Variants in NSMCE2 observed in about 807,000 individuals in gnomAD.
The protein encoded by NSMCE2 is NSE2 SUMO ligase component of SMC5/6 complex.
A neutral mutation model predicts 23.8 loss-of-function variants in NSMCE2; 24 were observed. That is an observed-to-expected ratio of 1.01 (90% CI 0.73 to 1.42). The LOEUF (loss-of-function observed/expected upper bound fraction) is 1.42. NSMCE2 is among the 40% of genes most tolerant of loss of function. The pLI is 0.00. For missense variants in NSMCE2, 284 were observed against 296.5 expected, an observed-to-expected ratio of 0.96 and a Z score of 0.31; for synonymous variants, 92 against 94.1, an observed-to-expected ratio of 0.98 and a Z score of 0.13.
intron 5 of NSMCE2, among the ~76,000 whole-genome samples, chr8:125,327,344 T>C (rs1212165508): frequency 6.6e-6 from 1 of 151,918 alleles, no homozygotes; most frequent in Non-Finnish European, 1.5e-5. Flanking sequence ...ATGAATGTAG[T>C]ATAATTACCA....
intron 5 of NSMCE2, among the ~76,000 whole-genome samples, chr8:125,268,353 G>A (rs6991820): frequency 0.89 from 135,296 of 152,120 alleles, 60,308 homozygotes; most frequent in African/African-American, 0.95. Context: ...TGGCACTTCT[G>A]TTGGTCGTTT....
chr8:125,224,350 T>G (rs997957731), intron 5 of NSMCE2, among the ~76,000 whole-genome samples: 10 of 152,218 alleles, frequency 6.6e-5, no homozygotes, highest in Admixed American at 5.9e-4. Context: ...GCCTGTGCTG[T>G]TGGGGTCATA....
intron 5 of NSMCE2, among the ~76,000 whole-genome samples, chr8:125,217,749 G>A (rs1824664833): frequency 1.3e-5 from 2 of 152,106 alleles, no homozygotes; most frequent in African/African-American, 4.8e-5. Flanking sequence ...TGTTATTACA[G>A]CTGTGCTGAG....
chr8:125,184,635 T>C (rs1248704842), intron 5 of NSMCE2, among the ~76,000 whole-genome samples: 2 of 152,158 alleles, frequency 1.3e-5, no homozygotes, highest in Non-Finnish European at 2.9e-5. Flanking sequence ...ATAAGATCTG[T>C]ATACCTTACT....
At chr8:125,241,418 A>G (rs1825760426) in intron 5 of NSMCE2, among the ~76,000 whole-genome samples, 1 of 152,244 alleles carries the variant, frequency 6.6e-6, no homozygotes, top group African/African-American at 2.4e-5. Flanking sequence ...ATATACTTAA[A>G]AGAGCATGTC....
At chr8:125,283,516 A>C (rs1432113645) in intron 5 of NSMCE2, among the ~76,000 whole-genome samples, 1 of 152,150 alleles carries the variant, frequency 6.6e-6, no homozygotes, top group Non-Finnish European at 1.5e-5. Context: ...ACCTTGTGTC[A>C]AAAAAATTAA....
At chr8:125,353,861 C>T (rs572753746) in intron 5 of NSMCE2, among the ~76,000 whole-genome samples, 1 of 150,038 alleles carries the variant, frequency 6.7e-6, no homozygotes, top group African/African-American at 2.4e-5. Flanking sequence ...CCAGCCTGGG[C>T]GACAAGGGCA....
intron 5 of NSMCE2, among the ~76,000 whole-genome samples, chr8:125,268,976 A>G (rs1001099230): frequency 2.0e-5 from 3 of 152,180 alleles, no homozygotes; most frequent in Non-Finnish European, 4.4e-5. Context: ...TAAAAAATAT[A>G]TTGTTTAGTT....
chr8:125,320,287 AGGAAGGAAGGAAGGAAGGAAGGGAAG>A (rs1563782802), intron 5 of NSMCE2, among the ~76,000 whole-genome samples: 15 of 96,646 alleles, frequency 1.6e-4, no homozygotes, highest in Non-Finnish European at 3.4e-4. Context: ...GAAGGAAGGA[AGGAAGGAAGGAAGGAAGGAAGGGAAG>A]GGAAGGAAGG....
At chr8:125,212,113 G>A (rs576795267) in intron 5 of NSMCE2, among the ~76,000 whole-genome samples, 1 of 152,156 alleles carries the variant, frequency 6.6e-6, no homozygotes, top group African/African-American at 2.4e-5. Flanking sequence ...ATTAGTTTCT[G>A]CCTTTGTGTT....
At chr8:125,099,682 G>T (rs182584268) in intron 1 of NSMCE2, among the ~76,000 whole-genome samples, 1 of 152,224 alleles carries the variant, frequency 6.6e-6, no homozygotes, top group Admixed American at 6.5e-5. Context: ...CTTTTCAGGT[G>T]ACCTTGACAA....
At chr8:125,344,261 A>G (rs954031158) in intron 5 of NSMCE2, among the ~76,000 whole-genome samples, 10 of 152,248 alleles carry the variant, frequency 6.6e-5, no homozygotes, top group Admixed American at 2.0e-4. Context: ...TACCTCATCA[A>G]TATTATTTGG....
chr8:125,253,918 A>T (rs906971879), intron 5 of NSMCE2, among the ~76,000 whole-genome samples: 14 of 152,228 alleles, frequency 9.2e-5, no homozygotes, highest in African/African-American at 1.4e-4. Flanking sequence ...TCCAAAAAAA[A>T]TTTTTTGGCA....
At chr8:125,187,437 A>G (rs1823155425) in intron 5 of NSMCE2, among the ~76,000 whole-genome samples, 1 of 152,214 alleles carries the variant, frequency 6.6e-6, no homozygotes, top group South Asian at 2.1e-4. Flanking sequence ...CTTGGGTGAA[A>G]TAATTTTAAT....
At chr8:125,109,704 A>C (rs1032590886) in intron 3 of NSMCE2, among the ~76,000 whole-genome samples, 6 of 152,178 alleles carry the variant, frequency 3.9e-5, no homozygotes, top group African/African-American at 1.4e-4. Context: ...TATTGGTTGC[A>C]GATTCCTAAT....
chr8:125,250,569 A>C (rs73351234), intron 5 of NSMCE2, among the ~76,000 whole-genome samples: 257 of 152,318 alleles, frequency 1.7e-3, no homozygotes, highest in African/African-American at 6.0e-3. Context: ...GATTTGTCTT[A>C]AATTTTTATA....
intron 5 of NSMCE2, among the ~76,000 whole-genome samples, chr8:125,313,509 G>C (rs189925124): frequency 6.6e-5 from 10 of 152,324 alleles, no homozygotes; most frequent in African/African-American, 2.2e-4. Context: ...ATTTGTATTT[G>C]ATGACAGACA....
chr8:125,123,485 GAA>G (rs1304065289), intron 3 of NSMCE2, among the ~76,000 whole-genome samples: 1 of 152,254 alleles, frequency 6.6e-6, no homozygotes, highest in Non-Finnish European at 1.5e-5. Context: ...CTTGACAGAT[GAA>G]AGAGCTAAAG....
At chr8:125,123,344 C>G (rs1207743336) in intron 3 of NSMCE2, among the ~76,000 whole-genome samples, 1 of 152,138 alleles carries the variant, frequency 6.6e-6, no homozygotes, top group African/African-American at 2.4e-5. Flanking sequence ...ACAATATTTA[C>G]TAAGTTCCAC....
Sources: allele counts gnomAD v4.1 joint callset (sites outside exome capture counted in the v4.1 genomes callset), GRCh38; gene constraint gnomAD v4.1.1; transcripts MANE v1.5; gene names NCBI Gene and HGNC (gene_info 2026-07-23, HGNC 2026-07-21).